MED13: variants seen among roughly 807,000 people sequenced by gnomAD.
MED13 encodes mediator of RNA polymerase II transcription subunit 13.
A neutral mutation model predicts 225.2 loss-of-function variants in MED13; 23 were observed. The observed-to-expected ratio is 0.10, with a 90% CI of 0.07 to 0.14. The LOEUF (loss-of-function observed/expected upper bound fraction) is 0.14, where lower values mean the gene tolerates loss of function less well. Among genes scored for constraint, MED13 ranks in the 10% least tolerant of loss-of-function variants. MED13 has a pLI of 1.00. For missense variants in MED13, 2,197 were observed against 2,594.5 expected (o/e 0.85, Z 3.33); for synonymous variants, 942 against 889.2 (o/e 1.06, Z -1.06).
intron 3 of MED13, among the ~76,000 whole-genome samples, chr17:62,037,709 C>T (rs934063802): frequency 2.7e-5 from 4 of 149,302 alleles, no homozygotes; most frequent in Non-Finnish European, 5.9e-5. Flanking sequence ...AATCCCAGCA[C>T]TTCGGGAGGG....
At chr17:62,053,701 T>C (rs922089363) in intron 2 of MED13, among the ~76,000 whole-genome samples, 1 of 152,220 alleles carries the variant, frequency 6.6e-6, no homozygotes. Flanking sequence ...CTGTGTTCAA[T>C]GTTTAAGTAA....
intron 11 of MED13, among the ~76,000 whole-genome samples, chr17:61,991,620 G>A (rs2080299670): frequency 6.6e-6 from 1 of 152,096 alleles, no homozygotes; most frequent in Admixed American, 6.6e-5. Context: ...GCATTCTCCT[G>A]CCTCAGCCTC....
Position 61,943,783 on chromosome 17 carries a change from C to A in MED13, c.*2685G>T, listed in dbSNP as rs2079831998. On this transcript the variant is annotated 3_prime_UTR_variant, in exon 30 of 30. Coordinates refer to ENST00000397786, the MANE Select transcript of MED13 (RefSeq NM_005121.3). ...CTGGCTGGAAGCAGACATTATATAA[C>A]TAATCTTTTTAAATGACAAAATACT... is the stretch of plus-strand genomic sequence containing the variant. The A allele has an allele frequency of 6.6e-6, 1 of 152,470 alleles. No individual in the cohort carries two copies. The highest frequency in any genetic ancestry group is 1.5e-5 in the Non-Finnish European group (1 of 67,952). The allele number at this position is 152,470 out of a possible 1,614,324, so 9.4% of individuals were successfully genotyped here.
Position 61,948,806 on chromosome 17 carries a change from G to A in MED13, c.6292-1789C>T, listed in dbSNP as rs1434138740. Among the ~76,000 whole-genome samples, 4 of 151,246 alleles carry A rather than the reference G, an allele frequency of 2.6e-5. No individual in the cohort carries two copies. In the East Asian group the frequency reaches 7.9e-4, roughly 30 times the overall value. On this transcript the variant is annotated intron_variant, in intron 28 of 29. Transcript: ENST00000397786. ...TTTACATAAGAATAAGTGAGTCACGGCCGGGCGCGGTGGCTCACGCCTGTA... is the reference window on the plus strand; with the variant it reads ...TTTACATAAGAATAAGTGAGTCACGACCGGGCGCGGTGGCTCACGCCTGTA...
intron 20 of MED13, among the ~76,000 whole-genome samples, chr17:61,963,338 T>A (rs1446953978): frequency 6.6e-6 from 1 of 151,980 alleles, no homozygotes; most frequent in Non-Finnish European, 1.5e-5. Flanking sequence ...TCTCTTTGTC[T>A]GAGGCTATCT....
Position 61,992,623 on chromosome 17 carries a change from T to C in MED13, c.2182-2A>G. 6.3e-7 allele frequency: 1 copy of C among 1,592,274 alleles called. No homozygotes were observed. Among genetic ancestry groups the C allele is most frequent in the Non-Finnish European group, 8.6e-7 (1 of 1,161,494 alleles). On this transcript the variant is annotated splice_acceptor_variant, in intron 10 of 29. Coordinates refer to ENST00000397786, the MANE Select transcript of MED13 (RefSeq NM_005121.3). LOFTEE classifies it high-confidence loss of function. Reference sequence around the variant, plus strand: ...TACACTAGATGTCCCATCTTCTACCTGCAAACAAATATTTCATGTTAGGCT... The same window carrying C: ...TACACTAGATGTCCCATCTTCTACCCGCAAACAAATATTTCATGTTAGGCT...
In MED13 at chr17:61,965,389, C is replaced by G; in HGVS notation, c.4461G>C (p.Leu1487Phe). 5 of 1,614,098 alleles carry G rather than the reference C, an allele frequency of 3.1e-6. No individual in the cohort carries two copies. The highest frequency in any genetic ancestry group is 4.2e-6 in the Non-Finnish European group (5 of 1,180,000). ...TATTTGTCATCTGAGGTGGAGTAATCAAAGACTGACTTGTAGGGGCAACTA... is the reference window on the plus strand; with the variant it reads ...TATTTGTCATCTGAGGTGGAGTAATGAAAGACTGACTTGTAGGGGCAACTA... ...PNLVAPTSQS[L>F]ITPPQMTNTG... The change falls in exon 20 of 30, where the codon TTG (leucine) becomes TTC (phenylalanine). Residue 1487 changes from leucine to phenylalanine, a missense_variant. By Grantham distance (22) the Leu-to-Phe change is conservative. This residue lies in a region of MED13 where 457 missense variants were observed against 442.2 expected (regional missense o/e 1.03). Transcript: ENST00000397786.
chr17:62,032,245 A>AGGTG (rs1297265890), intron 5 of MED13: 1 of 152,024 alleles, frequency 6.6e-6, no homozygotes, highest in African/African-American at 2.4e-5. Context: ...AGGCCGAGGC[A>AGGTG]GGTGGGTCAT....
intron 8 of MED13, among the ~76,000 whole-genome samples, chr17:62,027,589 A>C (rs753793645): frequency 3.9e-5 from 6 of 152,266 alleles, no homozygotes; most frequent in African/African-American, 7.2e-5. Flanking sequence ...ATGGGATCTA[A>C]TTAAACTAAA....
At chr17:61,997,949 A>G (rs2080359859) in intron 9 of MED13, among the ~76,000 whole-genome samples, 1 of 152,204 alleles carries the variant, frequency 6.6e-6, no homozygotes, top group South Asian at 2.1e-4. Context: ...TGCATTACCT[A>G]AATATGACTG....
rs1431048454 is a variant in MED13, at chr17:62,023,707, G to T, written c.1283+5834C>A. On this transcript the variant is annotated intron_variant, in intron 8 of 29. Coordinates refer to ENST00000397786, the MANE Select transcript of MED13 (RefSeq NM_005121.3). Reference sequence around the variant, plus strand: ...GAAATGGATTTGAGAGCGAGCTAGAGGCCGATTTAACAGAGTCAGTTATCA... The same window carrying T: ...GAAATGGATTTGAGAGCGAGCTAGATGCCGATTTAACAGAGTCAGTTATCA... 5.3e-5 allele frequency among the ~76,000 whole-genome samples: 8 copies of T among 151,388 alleles called. 1 individual carries two copies. The South Asian group carries it at 1.3e-3, about 24-fold the overall frequency.
intron 9 of MED13, among the ~76,000 whole-genome samples, chr17:62,008,537 A>C (rs2080476295): frequency 6.6e-6 from 1 of 152,058 alleles, no homozygotes. Context: ...AAGACAGTAA[A>C]GCAATGCCTA....
At chr17:62,052,323 G>A (rs2080963571) in intron 3 of MED13, among the ~76,000 whole-genome samples, 1 of 151,422 alleles carries the variant, frequency 6.6e-6, no homozygotes. Flanking sequence ...TTAAAATACA[G>A]CCTATTCCTA....
Position 61,960,169 on chromosome 17 carries a change from C to T in MED13, c.5480+698G>A, listed in dbSNP as rs1036411860. On this transcript the variant is annotated intron_variant, in intron 23 of 29. Transcript: ENST00000397786. Reference sequence around the variant, plus strand: ...TATTAAGTGATAACTCAAAATGAGGCTCACCTGTTGTGACCTATTAGTTAT... The same window carrying T: ...TATTAAGTGATAACTCAAAATGAGGTTCACCTGTTGTGACCTATTAGTTAT... Among the ~76,000 whole-genome samples, 102 of 152,224 alleles carry T rather than the reference C, an allele frequency of 6.7e-4. 1 individual carries two copies. The highest frequency in any genetic ancestry group is 6.6e-3 in the Admixed American group (101 of 15,288).
intron 23 of MED13, among the ~76,000 whole-genome samples, chr17:61,960,119 G>C (rs756932345): frequency 7.2e-5 from 11 of 152,222 alleles, no homozygotes; most frequent in Non-Finnish European, 1.6e-4. Flanking sequence ...CATGTTTCAA[G>C]TCTCTACTAA....
intron 9 of MED13, among the ~76,000 whole-genome samples, chr17:62,001,511 A>G (rs1203963169): frequency 6.6e-6 from 1 of 152,170 alleles, no homozygotes; most frequent in Non-Finnish European, 1.5e-5. Context: ...AATACTTGCA[A>G]TAGTCCCTCC....
chr17:62,019,048 G>A (rs2080611500), intron 8 of MED13, among the ~76,000 whole-genome samples: 1 of 152,078 alleles, frequency 6.6e-6, no homozygotes, highest in Non-Finnish European at 1.5e-5. Context: ...GTCAATTTTT[G>A]GTGTAGTATC....
intron 10 of MED13, among the ~76,000 whole-genome samples, chr17:61,993,311 C>A (rs990754862): frequency 2.0e-5 from 3 of 148,764 alleles, no homozygotes; most frequent in African/African-American, 7.5e-5. Context: ...AAGAGATTCT[C>A]CCGCCTCAGC....
At position 62,060,722 on chromosome 17, in the gene MED13, CAG is replaced by C. The variant is rs990273608; in HGVS notation, c.301+2343_301+2344del. On this transcript the variant is annotated intron_variant, in intron 2 of 29. Transcript: ENST00000397786. Reference sequence around the variant, plus strand: ...TCACTATCTATTTTTTTTTTTGAGACAGAGTCTCACTCTGTCGCCCAGGCTGG... The same window carrying C: ...TCACTATCTATTTTTTTTTTTGAGACAGTCTCACTCTGTCGCCCAGGCTGG... Among the ~76,000 whole-genome samples the C allele has an allele frequency of 9.4e-5, 14 of 148,238 alleles. No homozygotes were observed. In the East Asian group the frequency reaches 2.8e-3, roughly 30 times the overall value.
Sources: allele counts gnomAD v4.1 joint callset (sites outside exome capture counted in the v4.1 genomes callset), GRCh38; gene constraint gnomAD v4.1.1; regional missense constraint gnomAD v4.1.1; transcripts MANE v1.5; gene names NCBI Gene and HGNC (gene_info 2026-07-23, HGNC 2026-07-21).